The following DRC11 variants were observed in gnomAD, a reference collection of about 807,000 sequenced individuals.
DRC11 encodes dynein regulatory complex subunit 11, also known as IQ and AAA domain-containing protein 1.
the DRC11 span, chr2:236,331,407 C>T: frequency 1.6e-5 from 26 of 1,613,954 alleles, no homozygotes; most frequent in East Asian, 2.2e-4. This position sits in a 1 kb window ranked among gnomAD's most constrained non-coding sequence, Gnocchi z 4.8. Flanking sequence ...TGCTGGTTAT[C>T]GCCGTAATAA....
chr2:236,399,197 C>T, the DRC11 span, among the ~76,000 whole-genome samples: 1 of 152,070 alleles, frequency 6.6e-6, no homozygotes. This position sits in a 1 kb window ranked among gnomAD's most constrained non-coding sequence, Gnocchi z 7.0. Flanking sequence ...ACCATGTTGG[C>T]CAGGCTGGTC....
the DRC11 span, among the ~76,000 whole-genome samples, chr2:236,469,384 T>G: frequency 6.6e-6 from 1 of 152,152 alleles, no homozygotes; most frequent in East Asian, 1.9e-4. The surrounding 1 kb of genome is among the most constrained non-coding windows in gnomAD (Gnocchi z 5.8). Flanking sequence ...TTTTGTATTT[T>G]TAGTAGAGAC....
chr2:236,387,167 T>C, the DRC11 span, among the ~76,000 whole-genome samples: 28 of 150,108 alleles, frequency 1.9e-4, no homozygotes, highest in African/African-American at 6.3e-4. Context: ...GTTCTGTAGA[T>C]GTCTATTAGG....
chr2:236,420,034 A>C, the DRC11 span, among the ~76,000 whole-genome samples: 1 of 152,142 alleles, frequency 6.6e-6, no homozygotes, highest in African/African-American at 2.4e-5. This position sits in a 1 kb window ranked among gnomAD's most constrained non-coding sequence, Gnocchi z 4.8. Context: ...AAGCTGCATA[A>C]GCTCTCTGAG....
At chr2:236,454,182 T>C in the DRC11 span, among the ~76,000 whole-genome samples, 1 of 152,006 alleles carries the variant, frequency 6.6e-6, no homozygotes, top group East Asian at 1.9e-4. This position sits in a 1 kb window ranked among gnomAD's most constrained non-coding sequence, Gnocchi z 5.3. Context: ...AAAAAGAAAA[T>C]CCATTCAGCG....
At chr2:236,399,583 C>G in the DRC11 span, 1 of 983,240 alleles carries the variant, frequency 1.0e-6, no homozygotes, top group South Asian at 1.3e-5. This position sits in a 1 kb window ranked among gnomAD's most constrained non-coding sequence, Gnocchi z 7.0. Context: ...CCATGCCGCG[C>G]AGGCCCAGTC....
chr2:236,311,712 G>GTGTGTGTGTT, the DRC11 span, among the ~76,000 whole-genome samples: 140 of 151,692 alleles, frequency 9.2e-4, no homozygotes, highest in African/African-American at 3.2e-3. The surrounding 1 kb of genome is among the most constrained non-coding windows in gnomAD (Gnocchi z 6.9). Flanking sequence ...GTGTGTGTGT[G>GTGTGTGTGTT]TGTGTGTGTG....
chr2:236,450,895 A>G, the DRC11 span, among the ~76,000 whole-genome samples: 1 of 152,112 alleles, frequency 6.6e-6, no homozygotes, highest in East Asian at 1.9e-4. Flanking sequence ...AATCCTAATG[A>G]CTTTAACAAT....
chr2:236,441,223 T>C, the DRC11 span: 1 of 841,774 alleles, frequency 1.2e-6, no homozygotes, highest in South Asian at 1.5e-5. Context: ...GTGATGGTCA[T>C]TAAGGGTGGA....
the DRC11 span, among the ~76,000 whole-genome samples, chr2:236,344,162 A>G: frequency 1.6e-3 from 239 of 152,340 alleles, 2 homozygotes; most frequent in African/African-American, 5.6e-3. Flanking sequence ...TGCACTTAGC[A>G]GTTCTGCTGA....
the DRC11 span, among the ~76,000 whole-genome samples, chr2:236,483,562 C>G: frequency 6.6e-6 from 1 of 152,126 alleles, no homozygotes; most frequent in Non-Finnish European, 1.5e-5. This position sits in a 1 kb window ranked among gnomAD's most constrained non-coding sequence, Gnocchi z 4.8. Flanking sequence ...TAAGACCATG[C>G]CCTTCCACCA....
the DRC11 span, among the ~76,000 whole-genome samples, chr2:236,321,947 A>G: frequency 4.7e-4 from 72 of 152,196 alleles, no homozygotes; most frequent in African/African-American, 1.7e-3. Context: ...TTCCCTTTAG[A>G]TGTGCTAAGA....
the DRC11 span, among the ~76,000 whole-genome samples, chr2:236,470,468 C>G: frequency 2.0e-5 from 3 of 152,062 alleles, no homozygotes; most frequent in Non-Finnish European, 4.4e-5. The surrounding 1 kb of genome is among the most constrained non-coding windows in gnomAD (Gnocchi z 5.1). Context: ...CACTTAGAGG[C>G]GCGTGTTCGG....
At chr2:236,350,030 T>C in the DRC11 span, among the ~76,000 whole-genome samples, 2 of 152,204 alleles carry the variant, frequency 1.3e-5, no homozygotes, top group African/African-American at 4.8e-5. The surrounding 1 kb of genome is among the most constrained non-coding windows in gnomAD (Gnocchi z 5.2). Flanking sequence ...CAGATGGGAA[T>C]TGCAGATGTG....
the DRC11 span, among the ~76,000 whole-genome samples, chr2:236,422,817 G>T: frequency 6.6e-6 from 1 of 151,858 alleles, no homozygotes; most frequent in African/African-American, 2.4e-5. Context: ...CAAGGCTACA[G>T]TAACCAAAAC....
chr2:236,384,678 G>A, the DRC11 span, among the ~76,000 whole-genome samples: 47 of 151,692 alleles, frequency 3.1e-4, no homozygotes, highest in Non-Finnish European at 6.5e-4. Context: ...GATCCCATTT[G>A]TCAATTTTGG....
At chr2:236,381,817 G>GA in the DRC11 span, among the ~76,000 whole-genome samples, 1 of 152,118 alleles carries the variant, frequency 6.6e-6, no homozygotes, top group South Asian at 2.1e-4. The surrounding 1 kb of genome is among the most constrained non-coding windows in gnomAD (Gnocchi z 5.8). Flanking sequence ...TCTGAGTTTT[G>GA]AGAGTTCTTT....
the DRC11 span, among the ~76,000 whole-genome samples, chr2:236,334,321 C>T: frequency 1.3e-5 from 2 of 152,134 alleles, no homozygotes; most frequent in African/African-American, 4.8e-5. This position sits in a 1 kb window ranked among gnomAD's most constrained non-coding sequence, Gnocchi z 7.8. Context: ...GGAGGCACAG[C>T]GTGGTGGGCT....
At chr2:236,502,942 G>A in the DRC11 span, among the ~76,000 whole-genome samples, 3 of 151,932 alleles carry the variant, frequency 2.0e-5, no homozygotes, top group East Asian at 1.9e-4. Context: ...GAAACAGAGC[G>A]AGACTCCATC....
Sources: gnomAD v4.1 joint callset for allele counts (sites outside exome capture counted in the v4.1 genomes callset) on GRCh38, gnomAD v4.1.1 for gene constraint, Gnocchi (gnomAD v3.1) non-coding constraint, MANE v1.5 for transcripts, NCBI Gene and HGNC (gene_info 2026-07-23, HGNC 2026-07-21) for gene names.